ROBO2: variants seen among roughly 807,000 people sequenced by gnomAD.
ROBO2 encodes the protein roundabout homolog 2.
A neutral mutation model predicts 160.8 loss-of-function variants in ROBO2; 53 were observed. The observed-to-expected ratio is 0.33, with a 90% confidence interval of 0.26 to 0.41. The LOEUF (loss-of-function observed/expected upper bound fraction) is 0.41. Among genes scored for constraint, ROBO2 ranks in the 10% least tolerant of loss-of-function variants. The pLI is 1.00. For missense variants in ROBO2, 1,577 were observed against 1,722.4 expected, an observed-to-expected ratio of 0.92 and a Z score of 1.49; for synonymous variants, 664 against 611.7, an observed-to-expected ratio of 1.09 and a Z score of -1.26.
intron 2 of ROBO2, among the ~76,000 whole-genome samples, chr3:76,089,364 C>T (rs534381094): frequency 6.6e-6 from 1 of 151,762 alleles, no homozygotes; most frequent in Admixed American, 6.6e-5. Flanking sequence ...ATAAAAAAAA[C>T]CAAAGATATT....
At chr3:77,215,995 G>A (rs1580075957) in intron 2 of ROBO2, among the ~76,000 whole-genome samples, 1 of 152,256 alleles carries the variant, frequency 6.6e-6, no homozygotes, top group South Asian at 2.1e-4. Context: ...CCACTACTGG[G>A]GGGTGCCTCC....
At chr3:76,548,636 A>AT (rs5850259) in intron 2 of ROBO2, among the ~76,000 whole-genome samples, 70,070 of 146,618 alleles carry the variant, frequency 0.48, 16,707 homozygotes, top group Non-Finnish European at 0.53. Flanking sequence ...CAGAGGGAGG[A>AT]TTTTTTTTTT....
At chr3:77,432,855 C>T (rs776901620) in intron 2 of ROBO2, among the ~76,000 whole-genome samples, 59 of 152,124 alleles carry the variant, frequency 3.9e-4, no homozygotes, top group Non-Finnish European at 7.2e-4. Flanking sequence ...TGTATTTTCC[C>T]GTCCCTCCAG....
chr3:76,198,498 T>A (rs1318105032), intron 2 of ROBO2, among the ~76,000 whole-genome samples: 1 of 152,160 alleles, frequency 6.6e-6, no homozygotes, highest in Non-Finnish European at 1.5e-5. Context: ...CCAAAATGTA[T>A]TTCTTTGACA....
chr3:77,352,832 C>G (rs548522307), intron 2 of ROBO2, among the ~76,000 whole-genome samples: 65 of 152,252 alleles, frequency 4.3e-4, no homozygotes, highest in Middle Eastern at 6.8e-3. Context: ...TTACTTCTCT[C>G]TGTGACAAGA....
Position 76,531,410 on chromosome 3 carries a change from C to T in ROBO2, c.110-566604C>T, listed in dbSNP as rs931723345. Reference sequence around the variant, plus strand: ...AATAGATACCTTTTGATATCCCCTGCCTTCTAATCTCATTCAAAGCCAAAT... The same window carrying T: ...AATAGATACCTTTTGATATCCCCTGTCTTCTAATCTCATTCAAAGCCAAAT... On this transcript the variant is annotated intron_variant, in intron 2 of 26. Coordinates refer to the ROBO2 transcript ENST00000487694. 4.6e-5 allele frequency among the ~76,000 whole-genome samples: 7 copies of T among 151,970 alleles called. No individual in the cohort carries two copies. The East Asian group carries it at 1.3e-3, about 29-fold the overall frequency.
intron 2 of ROBO2, among the ~76,000 whole-genome samples, chr3:76,382,405 G>A (rs959534084): frequency 6.6e-6 from 1 of 152,128 alleles, no homozygotes; most frequent in African/African-American, 2.4e-5. Flanking sequence ...TGGCTAACAC[G>A]GTGGAACCCC....
At chr3:77,086,558 T>G (rs561290531) in intron 1 of ROBO2, among the ~76,000 whole-genome samples, 11 of 152,172 alleles carry the variant, frequency 7.2e-5, no homozygotes, top group Non-Finnish European at 1.6e-4. Flanking sequence ...TGCAGTACCA[T>G]CCCTTACCTC....
intron 2 of ROBO2, among the ~76,000 whole-genome samples, chr3:76,523,420 G>C (rs1259546080): frequency 6.6e-6 from 1 of 151,904 alleles, no homozygotes; most frequent in Non-Finnish European, 1.5e-5. Flanking sequence ...CCTTCGTCTG[G>C]AAATACCTTG....
At chr3:76,268,974 T>A (rs1707262971) in intron 2 of ROBO2, among the ~76,000 whole-genome samples, 1 of 152,116 alleles carries the variant, frequency 6.6e-6, no homozygotes, top group Non-Finnish European at 1.5e-5. Context: ...AAATCAGAGA[T>A]TTGTTTAATA....
At chr3:77,391,900 T>C (rs2074776570) in intron 2 of ROBO2, among the ~76,000 whole-genome samples, 1 of 152,040 alleles carries the variant, frequency 6.6e-6, no homozygotes, top group African/African-American at 2.4e-5. Flanking sequence ...CTTTAGATGG[T>C]TTGGATCCTC....
rs189054172 is a variant in ROBO2 at position 77,637,201 on chromosome 3, T to A, written c.3934+2158T>A. Reference sequence around the variant, plus strand: ...AAGCTCCACAAGTGAATCTAAAGTATAACTACCTTAGAGAAGCTATGACTT... The same window carrying A: ...AAGCTCCACAAGTGAATCTAAAGTAAAACTACCTTAGAGAAGCTATGACTT... On this transcript the variant is annotated intron_variant, in intron 24 of 25. Transcript: ENST00000461745. Among the ~76,000 whole-genome samples the A allele has an allele frequency of 2.0e-5, 3 of 152,344 alleles. No individual in the cohort carries two copies. The East Asian group carries it at 5.8e-4, about 29-fold the overall frequency.
intron 2 of ROBO2, among the ~76,000 whole-genome samples, chr3:76,577,697 C>A (rs367714896): frequency 1.0e-3 from 157 of 152,172 alleles, no homozygotes; most frequent in African/African-American, 3.7e-3. Flanking sequence ...TTGAGGATTT[C>A]GATTTCTGCA....
At chr3:76,438,410 T>TCACACACACA (rs35326545) in intron 2 of ROBO2, among the ~76,000 whole-genome samples, 1 of 146,306 alleles carries the variant, frequency 6.8e-6, no homozygotes, top group African/African-American at 2.5e-5. Flanking sequence ...TGTAATCAGT[T>TCACACACACA]CACACACACA....
chr3:77,575,108 C>G (rs2093728414), intron 14 of ROBO2, among the ~76,000 whole-genome samples: 1 of 152,074 alleles, frequency 6.6e-6, no homozygotes, highest in Admixed American at 6.6e-5. Flanking sequence ...TTAAGTGTGA[C>G]ATTTTCTTTT....
intron 2 of ROBO2, among the ~76,000 whole-genome samples, chr3:76,040,579 A>G (rs2067246128): frequency 1.3e-5 from 2 of 152,116 alleles, no homozygotes; most frequent in South Asian, 4.1e-4. Context: ...AGAACAATCA[A>G]TATGGTGAAT....
chr3:76,356,313 G>A (rs1278157138), intron 2 of ROBO2, among the ~76,000 whole-genome samples: 1 of 151,208 alleles, frequency 6.6e-6, no homozygotes, highest in East Asian at 2.0e-4. Flanking sequence ...ATAAAATAAA[G>A]TAATACAGCT....
intron 2 of ROBO2, among the ~76,000 whole-genome samples, chr3:76,428,611 C>T (rs1424411481): frequency 1.3e-5 from 2 of 151,568 alleles, no homozygotes; most frequent in African/African-American, 2.4e-5. Flanking sequence ...TATAGTCTAA[C>T]AGAAACAAAA....
chr3:77,533,612 A>G (rs897755354), intron 6 of ROBO2, among the ~76,000 whole-genome samples: 2 of 152,060 alleles, frequency 1.3e-5, no homozygotes, highest in Non-Finnish European at 2.9e-5. Flanking sequence ...CAGCCTTCGC[A>G]CATTGCTGCC....
Sources: allele counts gnomAD v4.1 joint callset (sites outside exome capture counted in the v4.1 genomes callset), GRCh38; gene constraint gnomAD v4.1.1; transcripts MANE v1.5; gene names NCBI Gene and HGNC (gene_info 2026-07-23, HGNC 2026-07-21).